The following PDHA1 variants were observed in gnomAD, a reference collection of about 807,000 sequenced individuals.
The protein encoded by PDHA1 is pyruvate dehydrogenase E1 component subunit alpha, somatic form, mitochondrial.
A neutral mutation model predicts 33.0 loss-of-function variants in PDHA1; 1 was observed. The observed-to-expected ratio is 0.03, with a 90% CI of 0.01 to 0.14. The LOEUF (loss-of-function observed/expected upper bound fraction) is 0.14. Among genes scored for constraint, PDHA1 ranks in the 10% least tolerant of loss-of-function variants. The pLI, the probability that PDHA1 is intolerant of heterozygous loss-of-function variation, is 1.00. For missense variants in PDHA1, 168 were observed against 325.1 expected (o/e 0.52, Z 3.72); for synonymous variants, 123 against 119.2 (o/e 1.03, Z -0.21).
intron 8 of PDHA1, among the ~76,000 whole-genome samples, chrX:19,356,160 A>C (rs1267753800): frequency 8.9e-6 from 1 of 112,021 alleles, no homozygotes; most frequent in Admixed American, 9.5e-5. Flanking sequence ...TCTTATACAA[A>C]TTAAACAGTA....
At chrX:19,357,480 C>A (rs889719166) in intron 8 of PDHA1, 172 bp from the exon 9 acceptor site, 6 of 528,763 alleles carry the variant, frequency 1.1e-5, no homozygotes, top group Non-Finnish European at 2.1e-5. Flanking sequence ...TCAATACTTG[C>A]TAGAAATGAG....
At position 19,359,475 on chromosome X, in the gene PDHA1, T is replaced by C. The variant is rs1204586713; in HGVS notation, c.1009-14T>C. 4.2e-6 allele frequency: 5 copies of C among 1,201,173 alleles called. No individual in the cohort carries two copies. The Admixed American group carries it at 1.1e-4, about 26-fold the overall frequency. On this transcript the variant is annotated splice_polypyrimidine_tract_variant and intron_variant, in intron 10 of 10. Coordinates refer to ENST00000422285, the MANE Select transcript of PDHA1 (RefSeq NM_000284.4). ...TTCATTCTAAAACCTTTTACACTGT[T>C]ACCTAATTTTTAGGAAATTGATGTG...
At position 19,360,253 on chromosome X, in the gene PDHA1, G is replaced by GTGTT. The variant is rs1383313844; in HGVS notation, c.*602_*605dup. ...TACAAGGCACATTCGTATCAGTTTT[G>GTGTT]TGTTTCTCAAATTGAAGTACCATAC... is the stretch of plus-strand genomic sequence containing the variant. On this transcript the variant is annotated 3_prime_UTR_variant, in exon 11 of 11. Transcript: ENST00000422285. 6.0e-5 allele frequency: 8 copies of GTGTT among 132,924 alleles called. No individual in the cohort carries two copies. In the South Asian group the frequency reaches 1.7e-3, roughly 28 times the overall value. The allele number at this position is 132,924 out of a possible 1,213,427, so 11.0% of individuals were successfully genotyped here.
Position 19,343,944 on chromosome X carries a change from G to C in PDHA1, c.-94G>C. 1.3e-6 allele frequency: 1 copy of C among 791,959 alleles called. No homozygotes were observed. The highest frequency in any genetic ancestry group is 1.9e-6 in the Non-Finnish European group (1 of 524,508). The allele number at this position is 791,959 out of a possible 1,213,427, so 65.3% of individuals were successfully genotyped here. ...CACGCCGCGGTGCGACTGAGGCGTG[G>C]CGTCTGCTGGGGCACCTGAAGGAGA... On this transcript the variant is annotated 5_prime_UTR_variant, in exon 1 of 11. Coordinates refer to ENST00000422285, the MANE Select transcript of PDHA1 (RefSeq NM_000284.4).
chrX:19,356,105 T>C (rs773113506), intron 8 of PDHA1, among the ~76,000 whole-genome samples: 1 of 111,518 alleles, frequency 9.0e-6, no homozygotes, highest in East Asian at 2.8e-4. Flanking sequence ...CCCCACAGTG[T>C]CCAGCATAGA....
chrX:19,345,575 A>T (rs868075684), intron 1 of PDHA1, among the ~76,000 whole-genome samples: 2,239 of 88,305 alleles, frequency 0.025, 65 homozygotes, highest in South Asian at 0.072. Flanking sequence ...CGTATTTTAA[A>T]AAAAAAAAAA....
At chrX:19,345,978 G>A (rs1260145798) in intron 1 of PDHA1, among the ~76,000 whole-genome samples, 1 of 111,741 alleles carries the variant, frequency 8.9e-6, no homozygotes, top group African/African-American at 3.3e-5. Context: ...ATAAACTAAC[G>A]TGTTGACTCT....
rs767657538 is a variant in PDHA1 at position 19,359,730 on chromosome X, C to A, written c.*77C>A. 1.1e-6 allele frequency: 1 copy of A among 950,141 alleles called. No homozygotes were observed. The highest frequency in any genetic ancestry group is 1.5e-6 in the Non-Finnish European group (1 of 661,556). 78.3% of individuals were successfully genotyped at this position (950,141 alleles called of 1,213,427 possible). A position where few individuals can be genotyped will look rare whatever the true frequency, so the allele number is the denominator to read the frequency against. ...CAACTTGGTTAAGGAGGAAGAAAACCCAGTCAATGAAATTCAATGAAATTC... is the reference window on the plus strand; with the variant it reads ...CAACTTGGTTAAGGAGGAAGAAAACACAGTCAATGAAATTCAATGAAATTC... On this transcript the variant is annotated 3_prime_UTR_variant, in exon 11 of 11. Transcript: ENST00000422285.
At chrX:19,357,173 TCA>T (rs1472668892) in intron 8 of PDHA1, among the ~76,000 whole-genome samples, 2 of 112,132 alleles carry the variant, frequency 1.8e-5, no homozygotes, top group Non-Finnish European at 3.8e-5. Context: ...AGTGGCACAC[TCA>T]CAGCTCACTG....
chrX:19,357,499 A>G, intron 8 of PDHA1, 153 bp from the exon 9 acceptor site: 1 of 559,072 alleles, frequency 1.8e-6, no homozygotes, highest in Non-Finnish European at 3.3e-6. Flanking sequence ...AGAACAGATC[A>G]GTCAACCAAT....
rs773012317 is a variant in PDHA1 at position 19,360,706 on chromosome X, T to C, written c.*1053T>C. ...CACTAACAGAAGCTTTAACAAAACA[T>C]GTAGCGTGGTGGGACACTCTGCCAC... On this transcript the variant is annotated 3_prime_UTR_variant, in exon 11 of 11. Transcript: ENST00000422285. 4 of 1,017,230 alleles carry C rather than the reference T, an allele frequency of 3.9e-6. No homozygotes were observed. Among genetic ancestry groups the C allele is most frequent in the South Asian group, 3.9e-5 (2 of 51,150 alleles). The allele number at this position is 1,017,230 out of a possible 1,213,427, so 83.8% of individuals were successfully genotyped here.
chrX:19,361,503 G>C lies in PDHA1; in HGVS notation c.*1850G>C. The C allele has an allele frequency of 2.5e-6, 3 of 1,208,895 alleles. No homozygotes were observed. The South Asian group carries it at 5.3e-5, about 21-fold the overall frequency. On this transcript the variant is annotated 3_prime_UTR_variant, in exon 11 of 11. Transcript: ENST00000422285. ...TTGTTGTAAATTTACCTTTTCAATT[G>C]TCTTTGCATCAGCTCCTTGCAGCCG...
In PDHA1 at chrX:19,359,812, A is replaced by C; in HGVS notation, c.*159A>C. On this transcript the variant is annotated 3_prime_UTR_variant, in exon 11 of 11. Coordinates refer to ENST00000422285, the MANE Select transcript of PDHA1 (RefSeq NM_000284.4). ...CAGGTAGTAATTGCATGCAGTTTGTACATTAGTGCATTAAAAGATGAATTA... is the reference window on the plus strand; with the variant it reads ...CAGGTAGTAATTGCATGCAGTTTGTCCATTAGTGCATTAAAAGATGAATTA... 1 of 510,766 alleles carries C rather than the reference A, an allele frequency of 2.0e-6. No individual in the cohort carries two copies. The highest frequency in any genetic ancestry group is 3.5e-6 in the Non-Finnish European group (1 of 288,719). The allele number at this position is 510,766 out of a possible 1,213,427, so 42.1% of individuals were successfully genotyped here. A position where few individuals can be genotyped will look rare whatever the true frequency, so the allele number is the denominator to read the frequency against.
intron 4 of PDHA1, chrX:19,352,878 G>C (rs1441033927): frequency 6.5e-6 from 3 of 464,365 alleles, no homozygotes; most frequent in Non-Finnish European, 7.7e-6. Flanking sequence ...CTAGAGAGTA[G>C]GAAAAGCTGG....
chrX:19,354,041 G>C (rs1260378276), intron 5 of PDHA1, among the ~76,000 whole-genome samples: 2 of 111,400 alleles, frequency 1.8e-5, no homozygotes, highest in Non-Finnish European at 3.8e-5. Context: ...CCACCCCCGG[G>C]TTCAAGCAAT....
chrX:19,349,262 A>G lies in PDHA1; in HGVS notation c.58-50A>G, dbSNP rs1040831465. The G allele has an allele frequency of 2.6e-5, 21 of 823,516 alleles. No individual in the cohort carries two copies. The African/African-American group carries it at 3.8e-4, about 15-fold the overall frequency. 67.9% of individuals were successfully genotyped at this position (823,516 alleles called of 1,213,427 possible). A position where few individuals can be genotyped will look rare whatever the true frequency, so the allele number is the denominator to read the frequency against. On this transcript the variant is annotated intron_variant, in intron 1 of 10. Coordinates refer to ENST00000422285, the MANE Select transcript of PDHA1 (RefSeq NM_000284.4). ...AACTGATTATTATACTTTCCAAAAT[A>G]GCTGACAATTAAAAAGTACTGATTT...
chrX:19,350,139 GT>G, intron 3 of PDHA1, 29 bp downstream of exon 3: 1 of 1,081,699 alleles, frequency 9.2e-7, no homozygotes, highest in East Asian at 3.0e-5. Context: ...GTGGAACTGT[GT>G]TATTTAGGTA....
intron 9 of PDHA1, 78 bp from the exon 10 acceptor site, chrX:19,358,838 A>ATATCATGTTTC: frequency 1.7e-6 from 1 of 594,694 alleles, no homozygotes; most frequent in African/African-American, 2.2e-5. Context: ...ATCCAACCCC[A>ATATCATGTTTC]TATCATGTTT....
At chrX:19,346,926 A>G (rs1250879681) in intron 1 of PDHA1, among the ~76,000 whole-genome samples, 1 of 111,784 alleles carries the variant, frequency 8.9e-6, no homozygotes, top group Admixed American at 9.5e-5. Context: ...CCTCTTTCAC[A>G]TGAATGGTTC....
Sources: gnomAD v4.1 joint callset for allele counts (sites outside exome capture counted in the v4.1 genomes callset) on GRCh38, gnomAD v4.1.1 for gene constraint, MANE v1.5 for transcripts, NCBI Gene and HGNC (gene_info 2026-07-23, HGNC 2026-07-21) for gene names.